Variants in ZPBP2 observed in about 807,000 individuals in gnomAD.
ZPBP2 encodes zona pellucida binding protein 2.
A neutral mutation model predicts 37.5 loss-of-function variants in ZPBP2; 34 were observed. The observed-to-expected ratio is 0.91, with a 90% confidence interval of 0.69 to 1.21. The LOEUF (loss-of-function observed/expected upper bound fraction) is 1.21, where lower values mean the gene tolerates loss of function less well. Ranked by LOEUF, ZPBP2 falls within the 50% of genes most tolerant of loss-of-function variation. ZPBP2 has a pLI of 0.00. For missense variants in ZPBP2, 397 were observed against 413.5 expected (o/e 0.96, Z 0.35); for synonymous variants, 143 against 138.4 (o/e 1.03, Z -0.23).
intron 1 of ZPBP2, 41 bp from the exon 2 acceptor site, chr17:39,868,508 T>C (rs1568089259): frequency 6.2e-7 from 1 of 1,613,986 alleles, no homozygotes; most frequent in Non-Finnish European, 8.5e-7. Context: ...TGAACCCTGC[T>C]CCTCTTCTAA....
Position 39,875,437 on chromosome 17 carries a change from A to G in ZPBP2, c.889+3A>G. 1.3e-6 allele frequency: 2 copies of G among 1,584,624 alleles called. No individual in the cohort carries two copies. The highest frequency in any genetic ancestry group is 1.7e-6 in the Non-Finnish European group (2 of 1,168,816). On this transcript the variant is annotated splice_donor_region_variant and intron_variant, in intron 7 of 7. Coordinates refer to ENST00000348931, the MANE Select transcript of ZPBP2 (RefSeq NM_199321.3). ...CAGTAATTGCGCTAGCTGTTGTGGT[A>G]ACTATAAAATATAAATATCTAAACA...
intron 6 of ZPBP2, among the ~76,000 whole-genome samples, chr17:39,874,459 G>A (rs8071135): frequency 0.037 from 5,600 of 151,800 alleles, 338 homozygotes; most frequent in African/African-American, 0.13. Context: ...TTTTGTTTTT[G>A]AGATGGAGTC....
rs1279461042 is a variant in ZPBP2 at position 39,876,710 on chromosome 17, T to C, written c.918T>C (p.Pro306=). Residue 306 remains proline, a synonymous_variant, in exon 8 of 8, where the codon CCT becomes CCC. Transcript: ENST00000348931. ...TTTGTAGTCCTGCGACTTTTAGTCC[T>C]GATGTTAATGTAACTTGTCAGACCT... is the stretch of plus-strand genomic sequence containing the variant. ...CVVCSPATFS[P]DVNVTCQTCV... is the part of the protein sequence containing the mutation. 1.2e-6 allele frequency: 2 copies of C among 1,613,830 alleles called. No individual in the cohort carries two copies. Among genetic ancestry groups the C allele is most frequent in the African/African-American group, 2.7e-5 (2 of 74,920 alleles).
chr17:39,872,265 TAAAGC>T lies in ZPBP2; in HGVS notation c.407-4_407del. The T allele has an allele frequency of 6.4e-7, 1 of 1,564,600 alleles. No individual in the cohort carries two copies. Among genetic ancestry groups the T allele is most frequent in the Non-Finnish European group, 8.6e-7 (1 of 1,160,942 alleles). On this transcript the variant is annotated splice_acceptor_variant and splice_polypyrimidine_tract_variant and coding_sequence_variant and intron_variant, in exon 5 of 8. Transcript: ENST00000348931. LOFTEE classifies it high-confidence loss of function. Reference sequence around the variant, plus strand: ...TTCACTCTCATCTTTCTTTTTTTTTTAAAGCCTATCGGGAACCTGATTATTCATAT... The same window carrying T: ...TTCACTCTCATCTTTCTTTTTTTTTTCTATCGGGAACCTGATTATTCATAT...
chr17:39,869,707 C>CTTTTT (rs59544817), intron 2 of ZPBP2, among the ~76,000 whole-genome samples: 5 of 93,004 alleles, frequency 5.4e-5, no homozygotes, highest in South Asian at 4.0e-4. Context: ...ACCAGCCAAT[C>CTTTTT]TTTTTTTTTT....
In ZPBP2 at chr17:39,868,572, T is replaced by A. The variant is rs1428701464; in HGVS notation, c.76T>A (p.Phe26Ile). ...TGVQCPRFTL[F>I]NKKGFIYGKT... ...AGTCCAATGCCCGCGTTTTACCTTA[T>A]TCAATAAGAAGGGCTTCATTTATGG... Residue 26 changes from phenylalanine to isoleucine, a missense_variant, in exon 2 of 8, where the codon TTC becomes ATC. Transcript: ENST00000348931. The A allele has an allele frequency of 6.2e-7, 1 of 1,614,142 alleles. No individual in the cohort carries two copies. The highest frequency in any genetic ancestry group is 8.5e-7 in the Non-Finnish European group (1 of 1,180,020).
At chr17:39,875,635 T>C (rs1328625239) in intron 7 of ZPBP2, among the ~76,000 whole-genome samples, 1 of 151,726 alleles carries the variant, frequency 6.6e-6, no homozygotes. Flanking sequence ...GTCTCACTCT[T>C]TCACCCATGC....
At chr17:39,870,864 T>G in intron 3 of ZPBP2, 45 bp downstream of exon 3, 1 of 1,397,438 alleles carries the variant, frequency 7.2e-7, no homozygotes, top group South Asian at 1.7e-5. Context: ...TGTGAACATA[T>G]TTTTAGAAAA....
rs1202479710 is a variant in ZPBP2 at position 39,876,770 on chromosome 17, C to T, written c.978C>T (p.Cys326=). 8.1e-6 allele frequency: 13 copies of T among 1,613,702 alleles called. No individual in the cohort carries two copies. The highest frequency in any genetic ancestry group is 1.3e-5 in the African/African-American group (1 of 74,860). ...TCCTTACCTATGGAGCTAAATCTTG[C>T]CCACAAACTTCAAACAAAAATCAGC... ...VSVLTYGAKS[C]PQTSNKNQQY... Residue 326 remains cysteine (C), a synonymous_variant, in exon 8 of 8, where the codon TGC becomes TGT. Transcript: ENST00000348931.
At chr17:39,873,248 A>C (rs1168521688) in intron 6 of ZPBP2, 122 bp downstream of exon 6, 2 of 694,012 alleles carry the variant, frequency 2.9e-6, no homozygotes, top group Non-Finnish European at 4.5e-6. Flanking sequence ...TCCTGGGCTC[A>C]AGTGATCTTC....
In ZPBP2 at chr17:39,877,427, A is replaced by G. The variant is rs1394730971; in HGVS notation, c.*618A>G. 1 of 152,182 alleles carries G rather than the reference A, an allele frequency of 6.6e-6. No homozygotes were observed. The highest frequency in any genetic ancestry group is 1.5e-5 in the Non-Finnish European group (1 of 68,022). 9.4% of individuals were successfully genotyped at this position (152,182 alleles called of 1,614,324 possible). Reference sequence around the variant, plus strand: ...TAGTGTGGCACATTTGTTACAAATGATGAACCAATATTAATTTATTATTAA... The same window carrying G: ...TAGTGTGGCACATTTGTTACAAATGGTGAACCAATATTAATTTATTATTAA... On this transcript the variant is annotated 3_prime_UTR_variant, in exon 8 of 8. Transcript: ENST00000348931.
At chr17:39,872,943 A>G in intron 5 of ZPBP2, 101 bp from the exon 6 acceptor site, 5 of 955,250 alleles carry the variant, frequency 5.2e-6, no homozygotes, top group Non-Finnish European at 8.1e-6. Context: ...TGGACTAAAC[A>G]TGTGCCTGCA....
At chr17:39,873,535 T>C (rs1186134274) in intron 6 of ZPBP2, among the ~76,000 whole-genome samples, 1 of 152,198 alleles carries the variant, frequency 6.6e-6, no homozygotes, top group Non-Finnish European at 1.5e-5. Context: ...TGTGATTTTT[T>C]TTTCTTTCTC....
chr17:39,868,723 A>C (rs575616627), intron 2 of ZPBP2, 109 bp downstream of exon 2: 1 of 1,258,674 alleles, frequency 7.9e-7, no homozygotes, highest in Non-Finnish European at 1.1e-6. Flanking sequence ...TTTATTGAGC[A>C]TCTATTATAC....
At chr17:39,871,314 G>A in intron 3 of ZPBP2, 150 bp from the exon 4 acceptor site, 2 of 539,560 alleles carry the variant, frequency 3.7e-6, no homozygotes, top group Non-Finnish European at 6.3e-6. Context: ...CTTCCACAGA[G>A]TAATATGACA....
chr17:39,871,813 T>G (rs1039366482), intron 4 of ZPBP2, among the ~76,000 whole-genome samples, 188 bp downstream of exon 4: 3 of 152,162 alleles, frequency 2.0e-5, no homozygotes, highest in African/African-American at 7.2e-5. Flanking sequence ...TCCTAAATAA[T>G]CTTCTTTCAG....
At chr17:39,870,109 T>C (rs989037069) in intron 2 of ZPBP2, among the ~76,000 whole-genome samples, 1 of 152,114 alleles carries the variant, frequency 6.6e-6, no homozygotes, top group Non-Finnish European at 1.5e-5. Context: ...AGTGGTGCAC[T>C]CTCGGCTCAC....
rs35829084 is a variant in ZPBP2 at position 39,871,571 on chromosome 17, G to A, written c.352G>A (p.Ala118Thr). The change falls in exon 4 of 8, where the codon GCA (alanine) becomes ACA (threonine). Residue 118 changes from alanine (A) to threonine (T), a missense_variant. Transcript: ENST00000348931. The part of the protein sequence containing the change: ...TCTLSYKTVK[A>T]ETQEEKTVKK... The stretch of plus-strand genomic sequence containing the variant: ...TACTCTTTCTTATAAGACTGTTAAA[G>A]CAGAAACTCAAGAAGAAAAAACAGT... 7,813 of 1,600,030 alleles carry A rather than the reference G, an allele frequency of 4.9e-3. 362 individuals are homozygous for A. The African/African-American group carries it at 0.094, about 19-fold the overall frequency.
intron 2 of ZPBP2, among the ~76,000 whole-genome samples, chr17:39,869,390 TTTCC>T (rs71152614): frequency 5.2e-5 from 7 of 135,670 alleles, no homozygotes; most frequent in South Asian, 4.6e-4. Context: ...TCTTTCTTTC[TTTCC>T]TTCCTTCCTT....
Sources: gnomAD v4.1 joint callset for allele counts (sites outside exome capture counted in the v4.1 genomes callset) on GRCh38, gnomAD v4.1.1 for gene constraint, MANE v1.5 for transcripts, NCBI Gene and HGNC (gene_info 2026-07-23, HGNC 2026-07-21) for gene names.